Variants in FPR3 observed in about 807,000 individuals in gnomAD.
FPR3 encodes N-formyl peptide receptor 3.
For missense variants in FPR3, 346 were observed against 443.2 expected (o/e 0.78, Z 1.97); for synonymous variants, 135 against 163.6 (o/e 0.83, Z 1.34).
intron 1 of FPR3, among the ~76,000 whole-genome samples, chr19:51,807,180 C>T (rs2084065105): frequency 6.6e-6 from 1 of 151,288 alleles, no homozygotes; most frequent in African/African-American, 2.4e-5. Flanking sequence ...TTTACACAGC[C>T]CTCCGTATTT....
At chr19:51,797,805 G>T (rs1396542901) in intron 1 of FPR3, among the ~76,000 whole-genome samples, 2 of 151,256 alleles carry the variant, frequency 1.3e-5, no homozygotes, top group Admixed American at 6.6e-5. Context: ...ACAACACACA[G>T]CCTGGTGAGG....
intron 1 of FPR3, among the ~76,000 whole-genome samples, chr19:51,815,695 C>G (rs1410779391): frequency 2.0e-5 from 3 of 151,374 alleles, no homozygotes; most frequent in Admixed American, 2.0e-4. Flanking sequence ...ATGGCGAAAC[C>G]CTGTTTGTAC....
rs775740175 is a variant in FPR3 at position 51,824,036 on chromosome 19, C to T, written c.288C>T (p.Phe96=). 5.0e-6 allele frequency: 8 copies of T among 1,614,090 alleles called. No homozygotes were observed. Among genetic ancestry groups the T allele is most frequent in the African/African-American group, 1.3e-5 (1 of 75,026 alleles). ...AMREKWPFGS[F]LCKLVHVMID... is the part of the protein sequence containing the mutation. ...GAGAAAAATGGCCTTTTGGCTCATT[C>T]CTATGTAAGTTAGTTCATGTTATGA... The change falls in exon 2 of 2, where the codon TTC becomes TTT. Residue 96 remains phenylalanine (F), a synonymous_variant. Transcript: ENST00000339223. The surrounding 1 kb of genome is among the most constrained non-coding windows in gnomAD (Gnocchi z 4.7).
At chr19:51,819,536 G>A (rs2084172466) in intron 1 of FPR3, among the ~76,000 whole-genome samples, 1 of 152,172 alleles carries the variant, frequency 6.6e-6, no homozygotes, top group African/African-American at 2.4e-5. Flanking sequence ...GAGATCCAGT[G>A]GTTCCTATGT....
rs1001898419 is a variant in FPR3, at chr19:51,826,085, G to A, written c.*1275G>A. 9 of 158,044 alleles carry A rather than the reference G, an allele frequency of 5.7e-5. No individual in the cohort carries two copies. Among genetic ancestry groups the A allele is most frequent in the East Asian group, 1.9e-4 (1 of 5,190 alleles). 9.8% of individuals were successfully genotyped at this position (158,044 alleles called of 1,614,324 possible). ...AAATGCAGTTTCTGTAAATATTAACGTGATCATATTATTTTTATTCTTTCA... is the reference window on the plus strand; with the variant it reads ...AAATGCAGTTTCTGTAAATATTAACATGATCATATTATTTTTATTCTTTCA... On this transcript the variant is annotated 3_prime_UTR_variant, in exon 2 of 2. Coordinates refer to ENST00000339223, the MANE Select transcript of FPR3 (RefSeq NM_002030.5).
intron 1 of FPR3, among the ~76,000 whole-genome samples, chr19:51,823,446 T>C (rs1356704416): frequency 6.6e-6 from 1 of 152,164 alleles, no homozygotes; most frequent in Non-Finnish European, 1.5e-5. Context: ...CTATGCTCAA[T>C]TTTCCATTGT....
intron 1 of FPR3, among the ~76,000 whole-genome samples, chr19:51,800,050 G>T (rs1599828908): frequency 1.3e-5 from 2 of 152,316 alleles, no homozygotes; most frequent in Middle Eastern, 6.8e-3. Context: ...AGTTGAAGAG[G>T]ATGACAGAAT....
intron 1 of FPR3, among the ~76,000 whole-genome samples, chr19:51,817,405 G>C (rs1177400010): frequency 6.6e-6 from 1 of 152,054 alleles, no homozygotes; most frequent in Non-Finnish European, 1.5e-5. Context: ...GAGAGAGAGA[G>C]AGAAAATAGC....
chr19:51,804,192 G>A (rs997119736), intron 1 of FPR3: 9 of 151,864 alleles, frequency 5.9e-5, no homozygotes, highest in Non-Finnish European at 8.8e-5. Context: ...TTTCTCATAC[G>A]AGGCTCAGGG....
intron 1 of FPR3, among the ~76,000 whole-genome samples, chr19:51,799,744 C>A: frequency 6.6e-6 from 1 of 152,216 alleles, no homozygotes; most frequent in East Asian, 1.9e-4. Context: ...GGGTGTTTCC[C>A]TGTGGGACAT....
At position 51,823,908 on chromosome 19, in the gene FPR3, C is replaced by T. The variant is rs759748060; in HGVS notation, c.160C>T (p.Arg54Trp). ...GCTTGTGATCTGGGTGGCTGGATTCCGGATGACACGCACAGTCAACACCAT... is the reference window on the plus strand; with the variant it reads ...GCTTGTGATCTGGGTGGCTGGATTCTGGATGACACGCACAGTCAACACCAT... ...NGLVIWVAGF[R>W]MTRTVNTICY... The change falls in exon 2 of 2, where the codon CGG becomes TGG. Residue 54 changes from arginine (R) to tryptophan (W), a missense_variant. By Grantham distance (101) the Arg-to-Trp change is moderately radical. Coordinates refer to ENST00000339223, the MANE Select transcript of FPR3 (RefSeq NM_002030.5). 9.3e-6 allele frequency: 15 copies of T among 1,613,902 alleles called. No individual in the cohort carries two copies. Among genetic ancestry groups the T allele is most frequent in the Admixed American group, 8.3e-5 (5 of 59,988 alleles).
chr19:51,816,835 T>C (rs547968755), intron 1 of FPR3, among the ~76,000 whole-genome samples: 6 of 152,332 alleles, frequency 3.9e-5, no homozygotes, highest in Admixed American at 2.6e-4. Flanking sequence ...CTCCAGAGAA[T>C]TGGAGACTTG....
At chr19:51,808,993 G>A (rs7253728) in intron 1 of FPR3, among the ~76,000 whole-genome samples, 18,058 of 152,132 alleles carry the variant, frequency 0.12, 1,326 homozygotes, top group South Asian at 0.28. Flanking sequence ...AATGACCCTC[G>A]TCAGAAATCC....
rs539698434 is a variant in FPR3 at position 51,821,333 on chromosome 19, G to C, written c.-10-2406G>C. Among the ~76,000 whole-genome samples, 5 of 152,228 alleles carry C rather than the reference G, an allele frequency of 3.3e-5. No homozygotes were observed. The East Asian group carries it at 9.7e-4, about 29-fold the overall frequency. On this transcript the variant is annotated intron_variant, in intron 1 of 1. Transcript: ENST00000339223. ...CTGTAACAGTGATGCTCAACTGGGGGGAGTTTTGCCTCCCACGGGACCTTT... is the reference window on the plus strand; with the variant it reads ...CTGTAACAGTGATGCTCAACTGGGGCGAGTTTTGCCTCCCACGGGACCTTT...
intron 1 of FPR3, among the ~76,000 whole-genome samples, chr19:51,808,245 T>C (rs964450555): frequency 6.6e-6 from 1 of 152,256 alleles, no homozygotes; most frequent in African/African-American, 2.4e-5. Flanking sequence ...CTGAAAATCA[T>C]TTAAAGTCTA....
intron 1 of FPR3, among the ~76,000 whole-genome samples, chr19:51,798,852 AGCTTG>A (rs1332414517): frequency 6.6e-6 from 1 of 152,216 alleles, no homozygotes; most frequent in Non-Finnish European, 1.5e-5. Flanking sequence ...AAATTGCTGT[AGCTTG>A]GCTGGGCGTG....
intron 1 of FPR3, among the ~76,000 whole-genome samples, chr19:51,821,332 G>A (rs537880764): frequency 5.1e-4 from 78 of 152,240 alleles, no homozygotes; most frequent in African/African-American, 1.8e-3. Context: ...CTCAACTGGG[G>A]GGAGTTTTGC....
chr19:51,800,298 G>T, intron 1 of FPR3, among the ~76,000 whole-genome samples: 1 of 152,206 alleles, frequency 6.6e-6, no homozygotes, highest in Non-Finnish European at 1.5e-5. Context: ...CAAGGCCAGT[G>T]CAAGTGGAGC....
intron 1 of FPR3, among the ~76,000 whole-genome samples, chr19:51,813,631 C>T (rs904609233): frequency 2.6e-5 from 4 of 151,818 alleles, no homozygotes; most frequent in South Asian, 2.1e-4. Context: ...CCCGGGTTCA[C>T]GCCATTTTCC....
Sources: allele counts gnomAD v4.1 joint callset (sites outside exome capture counted in the v4.1 genomes callset), GRCh38; gene constraint gnomAD v4.1.1; non-coding constraint Gnocchi (gnomAD v3.1); transcripts MANE v1.5; gene names NCBI Gene and HGNC (gene_info 2026-07-23, HGNC 2026-07-21).